The following SNX8 variants were observed in gnomAD, a reference collection of about 807,000 sequenced individuals.
SNX8 encodes sorting nexin-8.
SNX8 carries 25 observed loss-of-function variants against 51.6 expected under a neutral mutation model. The observed-to-expected ratio is 0.48, with a 90% CI of 0.35 to 0.68. The LOEUF (loss-of-function observed/expected upper bound fraction) is 0.68, where lower values mean the gene tolerates loss of function less well. Among genes scored for constraint, SNX8 ranks in the 30% least tolerant of loss-of-function variants. The probability of loss-of-function intolerance (pLI) is 0.00; values close to 1 mark genes in which losing one functional copy is unlikely to be tolerated. For synonymous variants in SNX8, 324 were observed against 277.0 expected (o/e 1.17, Z -1.68); for missense variants, 695 against 624.0 (o/e 1.11, Z -1.21).
chr7:2,331,506 C>A (rs1245899396), intron 1 of SNX8, among the ~76,000 whole-genome samples: 1 of 151,810 alleles, frequency 6.6e-6, no homozygotes, highest in Non-Finnish European at 1.5e-5. Flanking sequence ...GAGATCAAGA[C>A]CATCCTGGCT....
chr7:2,318,305 C>T (rs528396936), upstream of SNX8, among the ~76,000 whole-genome samples: 2 of 152,140 alleles, frequency 1.3e-5, no homozygotes, highest in South Asian at 4.2e-4. Flanking sequence ...AATCCCAGCA[C>T]TTTGGGAGGC....
At chr7:2,347,480 CA>C (rs749495262) in intron 1 of SNX8, among the ~76,000 whole-genome samples, 246 of 39,334 alleles carry the variant, frequency 6.3e-3, no homozygotes, top group African/African-American at 0.02. Flanking sequence ...GATGCTGTCT[CA>C]AAAAAAAAAA....
At chr7:2,343,996 T>C (rs1778977895) in intron 1 of SNX8, among the ~76,000 whole-genome samples, 1 of 145,128 alleles carries the variant, frequency 6.9e-6, no homozygotes, top group African/African-American at 2.6e-5. Context: ...TCCTGCCATT[T>C]CACTGCAGCC....
chr7:2,296,932 A>G (rs1796285886), intron 1 of SNX8, among the ~76,000 whole-genome samples: 1 of 152,000 alleles, frequency 6.6e-6, no homozygotes, highest in Non-Finnish European at 1.5e-5. Context: ...CTCTGTCTCA[A>G]AAAAGAAAAA....
At chr7:2,323,245 G>A (rs1359625338) in intron 1 of SNX8, among the ~76,000 whole-genome samples, 2 of 147,994 alleles carry the variant, frequency 1.4e-5, no homozygotes, top group Admixed American at 7.0e-5. Context: ...CATGAAAATC[G>A]CTTGAACTTT....
rs909681306 is a variant in SNX8 at position 2,254,846 on chromosome 7, C to T, written c.*210G>A. The T allele has an allele frequency of 2.5e-5, 15 of 594,804 alleles. No homozygotes were observed. Among genetic ancestry groups the T allele is most frequent in the Admixed American group, 1.7e-4 (6 of 35,420 alleles). The allele number at this position is 594,804 out of a possible 1,614,324, so 36.8% of individuals were successfully genotyped here. On this transcript the variant is annotated 3_prime_UTR_variant, in exon 11 of 11. Coordinates refer to ENST00000222990, the MANE Select transcript of SNX8 (RefSeq NM_013321.4). Reference sequence around the variant, plus strand: ...CCACCACCTCTCTCGACCAGGCTAGCAGGCCACAGGGCGAAGGACAGTGTG... The same window carrying T: ...CCACCACCTCTCTCGACCAGGCTAGTAGGCCACAGGGCGAAGGACAGTGTG...
chr7:2,273,477 T>G (rs1181526926), intron 3 of SNX8, among the ~76,000 whole-genome samples: 35 of 142,284 alleles, frequency 2.5e-4, no homozygotes, highest in Middle Eastern at 4.4e-3. Context: ...TCCCAGCTAC[T>G]TGGGAGACTC....
At chr7:2,277,937 C>G (rs1321898021) in intron 2 of SNX8, among the ~76,000 whole-genome samples, 163 bp downstream of exon 2, 1 of 152,110 alleles carries the variant, frequency 6.6e-6, no homozygotes, top group Non-Finnish European at 1.5e-5. Flanking sequence ...GAAAAGTCAC[C>G]TCCGCAGCCT....
intron 1 of SNX8, among the ~76,000 whole-genome samples, chr7:2,295,494 C>G (rs1262712417): frequency 1.4e-5 from 2 of 145,564 alleles, no homozygotes; most frequent in African/African-American, 5.2e-5. Context: ...CACCTGAGAA[C>G]AGGAGTGCAA....
At chr7:2,323,758 A>G (rs1778579765) in intron 1 of SNX8, among the ~76,000 whole-genome samples, 1 of 152,178 alleles carries the variant, frequency 6.6e-6, no homozygotes, top group African/African-American at 2.4e-5. Flanking sequence ...ACCAAACACT[A>G]ACCACGCTAA....
chr7:2,347,068 C>T (rs1184187712), intron 1 of SNX8, among the ~76,000 whole-genome samples: 3 of 152,076 alleles, frequency 2.0e-5, no homozygotes, highest in African/African-American at 4.8e-5. Context: ...TGTTGCTCAC[C>T]TGTAATCCAG....
intron 1 of SNX8, among the ~76,000 whole-genome samples, chr7:2,348,475 G>C (rs1181428813): frequency 6.6e-6 from 1 of 151,666 alleles, no homozygotes; most frequent in Non-Finnish European, 1.5e-5. Flanking sequence ...CGAGTAGCTG[G>C]GACTACAGGC....
Position 2,269,646 on chromosome 7 carries a change from A to C in SNX8, c.541-7T>G. On this transcript the variant is annotated splice_polypyrimidine_tract_variant and splice_region_variant and intron_variant, in intron 4 of 10. Coordinates refer to ENST00000222990, the MANE Select transcript of SNX8 (RefSeq NM_013321.4). Reference sequence around the variant, plus strand: ...TTAACTTGTTCTGCACATCCTGCAAAAGGAAAACACACAGCTTCACCCTCT... The same window carrying C: ...TTAACTTGTTCTGCACATCCTGCAACAGGAAAACACACAGCTTCACCCTCT... 8.8e-6 allele frequency: 14 copies of C among 1,589,580 alleles called. No individual in the cohort carries two copies. Among genetic ancestry groups the C allele is most frequent in the Non-Finnish European group, 1.2e-5 (14 of 1,167,200 alleles).
At chr7:2,258,074 G>C (rs569760157) in intron 7 of SNX8, among the ~76,000 whole-genome samples, 2 of 147,222 alleles carry the variant, frequency 1.4e-5, no homozygotes, top group African/African-American at 5.1e-5. Context: ...GCAGTGGCAC[G>C]ATCTCGGCTC....
At chr7:2,325,042 C>T (rs1778598974) in intron 1 of SNX8, among the ~76,000 whole-genome samples, 1 of 152,172 alleles carries the variant, frequency 6.6e-6, no homozygotes, top group Admixed American at 6.6e-5. Flanking sequence ...CTGTATTGCC[C>T]AGGCCAGTCT....
At chr7:2,293,924 C>A (rs1047753142) in intron 1 of SNX8, among the ~76,000 whole-genome samples, 1 of 151,674 alleles carries the variant, frequency 6.6e-6, no homozygotes, top group African/African-American at 2.4e-5. Flanking sequence ...CGAGATCACA[C>A]CAGTGCACTC....
rs867015848 is a variant in SNX8, at chr7:2,306,272, C to T, written c.94+8056G>A. Among the ~76,000 whole-genome samples the T allele has an allele frequency of 2.3e-4, 35 of 152,180 alleles. 1 individual carries two copies. The highest frequency in any genetic ancestry group is 7.5e-4 in the African/African-American group (31 of 41,534). ...GCTCCCGAGTAGCTGGGATTACAGG[C>T]GCATGCCACCAAGCCTGGCTAATTT... is the stretch of plus-strand genomic sequence containing the variant. On this transcript the variant is annotated intron_variant, in intron 1 of 10. Transcript: ENST00000222990.
chr7:2,257,276 C>G, intron 9 of SNX8, 89 bp downstream of exon 9: 5 of 1,458,450 alleles, frequency 3.4e-6, no homozygotes, highest in Non-Finnish European at 4.6e-6. Context: ...GGAGCCAACC[C>G]AGGGGAGCCC....
intron 1 of SNX8, among the ~76,000 whole-genome samples, chr7:2,327,734 G>A (rs1778651376): frequency 6.6e-6 from 1 of 150,922 alleles, no homozygotes; most frequent in Admixed American, 6.6e-5. Context: ...AGTAGAGACG[G>A]GGTTTCACCG....
Sources: allele counts gnomAD v4.1 joint callset (sites outside exome capture counted in the v4.1 genomes callset), GRCh38; gene constraint gnomAD v4.1.1; transcripts MANE v1.5; gene names NCBI Gene and HGNC (gene_info 2026-07-23, HGNC 2026-07-21).